Variants in LIMA1 observed in about 807,000 individuals in gnomAD.
LIMA1 encodes the protein LIM domain and actin-binding protein 1.
A neutral mutation model predicts 62.6 loss-of-function variants in LIMA1; 52 were observed. The observed-to-expected ratio is 0.83, with a 90% CI of 0.67 to 1.05. The LOEUF (loss-of-function observed/expected upper bound fraction) is 1.05, where lower values mean the gene tolerates loss of function less well. Among genes scored for constraint, LIMA1 ranks in the 50% least tolerant of loss-of-function variants. LIMA1 has a pLI of 0.00. For synonymous variants in LIMA1, 302 were observed against 317.8 expected (o/e 0.95, Z 0.53); for missense variants, 780 against 902.2 (o/e 0.86, Z 1.74).
At chr12:50,226,682 T>A (rs1291353336) in intron 3 of LIMA1, among the ~76,000 whole-genome samples, 1 of 152,002 alleles carries the variant, frequency 6.6e-6, no homozygotes, top group African/African-American at 2.4e-5. Flanking sequence ...CTACTACAAA[T>A]ACAAAAATTA....
chr12:50,229,749 C>T (rs1209280582), intron 3 of LIMA1: 1 of 152,148 alleles, frequency 6.6e-6, no homozygotes, highest in Non-Finnish European at 1.5e-5. Flanking sequence ...TGCATATAAA[C>T]CCTCTCCAAA....
chr12:50,243,846 A>G (rs1279129438), intron 2 of LIMA1, among the ~76,000 whole-genome samples: 1 of 152,230 alleles, frequency 6.6e-6, no homozygotes, highest in Non-Finnish European at 1.5e-5. Flanking sequence ...TTTCTCAACT[A>G]TAAAAGAGGG....
At chr12:50,283,024 A>G (rs1366476478) in intron 1 of LIMA1, among the ~76,000 whole-genome samples, 1 of 152,208 alleles carries the variant, frequency 6.6e-6, no homozygotes, top group Non-Finnish European at 1.5e-5. Context: ...TCGAAAAGAG[A>G]GGGAATGGCT....
chr12:50,179,202 C>T (rs1180171451), intron 10 of LIMA1, among the ~76,000 whole-genome samples: 3 of 151,704 alleles, frequency 2.0e-5, no homozygotes, highest in Non-Finnish European at 4.4e-5. Flanking sequence ...AGTGCAGTGG[C>T]ATGATCTCAG....
chr12:50,226,203 C>T (rs1035940552), intron 3 of LIMA1, among the ~76,000 whole-genome samples: 5 of 151,882 alleles, frequency 3.3e-5, no homozygotes, highest in African/African-American at 9.7e-5. Context: ...CATGCCACCA[C>T]GCCCAGCTAA....
At chr12:50,211,803 C>CACACAA (rs1284222470) in intron 4 of LIMA1, among the ~76,000 whole-genome samples, 4 of 152,014 alleles carry the variant, frequency 2.6e-5, no homozygotes, top group African/African-American at 9.7e-5. Context: ...AACACACACA[C>CACACAA]ACACACACAC....
rs780200468 is a variant in LIMA1 at position 50,222,439 on chromosome 12, ACAGT to A, written c.208_211del (p.Thr70CysfsTer2). 1.2e-6 allele frequency: 2 copies of A among 1,614,164 alleles called. No individual in the cohort carries two copies. The highest frequency in any genetic ancestry group is 1.7e-6 in the Non-Finnish European group (2 of 1,180,032). On this transcript the variant is annotated frameshift_variant, in exon 4 of 11. Transcript: ENST00000341247. LOFTEE classifies it high-confidence loss of function. ...TGGGTTCTCCCACTTCTTCTTTAAC[ACAGT>A]CAGGGTCCCCTTTCTAAAGTGCTGG...
intron 10 of LIMA1, among the ~76,000 whole-genome samples, chr12:50,181,091 AAC>A (rs1451613300): frequency 6.7e-6 from 1 of 149,548 alleles, no homozygotes; most frequent in Non-Finnish European, 1.5e-5. Flanking sequence ...CACCCTGGGC[AAC>A]AGAGTGAGAC....
At chr12:50,178,176 A>T (rs1940399073) in intron 10 of LIMA1, 107 bp from the exon 11 acceptor site, 1 of 840,344 alleles carries the variant, frequency 1.2e-6, no homozygotes, top group African/African-American at 1.8e-5. Flanking sequence ...ATGCCAAGTA[A>T]GAAAAAGATC....
At chr12:50,216,399 G>C (rs1565844501) in intron 4 of LIMA1, among the ~76,000 whole-genome samples, 1 of 151,956 alleles carries the variant, frequency 6.6e-6, no homozygotes, top group Admixed American at 6.6e-5. Context: ...ATTTTTAGTA[G>C]AGATGGGGTT....
At chr12:50,193,490 ATATATATCATATATG>A (rs1940827280) in intron 8 of LIMA1, among the ~76,000 whole-genome samples, 3 of 137,992 alleles carry the variant, frequency 2.2e-5, no homozygotes, top group Non-Finnish European at 3.1e-5. Context: ...TATATAGTAT[ATATATATCATATATG>A]TGTATATATG....
At chr12:50,205,280 C>T (rs1194075718) in intron 5 of LIMA1, among the ~76,000 whole-genome samples, 1 of 151,322 alleles carries the variant, frequency 6.6e-6, no homozygotes, top group Non-Finnish European at 1.5e-5. Context: ...TCTATGTTGC[C>T]CAGGCTGGTC....
chr12:50,220,298 G>C (rs942017875), intron 4 of LIMA1, among the ~76,000 whole-genome samples: 1 of 152,056 alleles, frequency 6.6e-6, no homozygotes, highest in Non-Finnish European at 1.5e-5. Context: ...GGCCACAAGT[G>C]ATCCCCCAAC....
intron 3 of LIMA1, among the ~76,000 whole-genome samples, chr12:50,230,645 C>T (rs181497885): frequency 3.6e-4 from 54 of 151,978 alleles, no homozygotes; most frequent in Middle Eastern, 3.4e-3. Flanking sequence ...TGCGTGATCT[C>T]GGCTCACTGC....
intron 1 of LIMA1, among the ~76,000 whole-genome samples, chr12:50,274,936 T>C (rs1330316836): frequency 6.6e-6 from 1 of 151,880 alleles, no homozygotes; most frequent in Non-Finnish European, 1.5e-5. Context: ...CAGAGATGAG[T>C]AGTAGTCAGA....
At chr12:50,226,306 T>TGTGGGG (rs1941527032) in intron 3 of LIMA1, among the ~76,000 whole-genome samples, 1 of 152,252 alleles carries the variant, frequency 6.6e-6, no homozygotes, top group Middle Eastern at 3.4e-3. Flanking sequence ...CCTCCCAAAG[T>TGTGGGG]GTGGGGATCA....
At chr12:50,252,773 C>A (rs1324645644) in intron 1 of LIMA1, among the ~76,000 whole-genome samples, 1 of 152,048 alleles carries the variant, frequency 6.6e-6, no homozygotes, top group Non-Finnish European at 1.5e-5. Flanking sequence ...TCCTCAATAT[C>A]CACACCTGTA....
chr12:50,268,640 T>C (rs1446192948), intron 1 of LIMA1, among the ~76,000 whole-genome samples: 1 of 147,114 alleles, frequency 6.8e-6, no homozygotes, highest in Non-Finnish European at 1.5e-5. Flanking sequence ...GGTCTTGCTA[T>C]GTTGCCCAGG....
intron 10 of LIMA1, among the ~76,000 whole-genome samples, chr12:50,180,895 G>A (rs1452889368): frequency 1.3e-5 from 2 of 151,982 alleles, no homozygotes; most frequent in African/African-American, 2.4e-5. Context: ...GGTGGATCAC[G>A]AGGTCAGGAG....
Sources: gnomAD v4.1 joint callset for allele counts (sites outside exome capture counted in the v4.1 genomes callset) on GRCh38, gnomAD v4.1.1 for gene constraint, MANE v1.5 for transcripts, NCBI Gene and HGNC (gene_info 2026-07-23, HGNC 2026-07-21) for gene names.